Variants in UBE2D2 observed in about 807,000 individuals in gnomAD.
UBE2D2 encodes ubiquitin conjugating enzyme E2 D2, also known as ubiquitin-conjugating enzyme E2 D2.
A neutral mutation model predicts 24.2 loss-of-function variants in UBE2D2; 2 were observed. The observed-to-expected ratio is 0.08, with a 90% CI of 0.03 to 0.26. The LOEUF is 0.26. UBE2D2 is among the 10% of genes least tolerant of loss of function. UBE2D2 has a pLI of 1.00. For synonymous variants in UBE2D2, 58 were observed against 56.5 expected (o/e 1.03, Z -0.12); for missense variants, 44 against 177.6 (o/e 0.25, Z 4.28).
At chr5:139,585,987 A>G (rs1233588164) in intron 1 of UBE2D2, among the ~76,000 whole-genome samples, 1 of 150,596 alleles carries the variant, frequency 6.6e-6, no homozygotes, top group Admixed American at 6.7e-5. Flanking sequence ...GCTATATAGT[A>G]CCATATATGA....
intron 1 of UBE2D2, among the ~76,000 whole-genome samples, chr5:139,596,043 G>A (rs1173035353): frequency 2.7e-5 from 4 of 150,146 alleles, no homozygotes; most frequent in Admixed American, 2.0e-4. Context: ...ACAGGCGCGC[G>A]CCACCATGCC....
At chr5:139,555,546 G>A (rs1478887380) in intron 1 of UBE2D2, among the ~76,000 whole-genome samples, 2 of 152,074 alleles carry the variant, frequency 1.3e-5, no homozygotes, top group African/African-American at 4.8e-5. Context: ...TGTAGCGTGT[G>A]GCAAAGCAGT....
intron 1 of UBE2D2, among the ~76,000 whole-genome samples, chr5:139,533,094 C>G (rs1752618389): frequency 6.7e-6 from 1 of 148,324 alleles, no homozygotes; most frequent in Non-Finnish European, 1.5e-5. Context: ...GGTGACAGAG[C>G]AAGACTCCAT....
At chr5:139,556,190 C>T (rs534794593), upstream of UBE2D2, among the ~76,000 whole-genome samples, 7 of 150,934 alleles carry the variant, frequency 4.6e-5, no homozygotes, top group East Asian at 2.0e-4. Flanking sequence ...GAGCTGAGAT[C>T]GTGCCATTGC....
chr5:139,574,174 A>G (rs1199070603), intron 1 of UBE2D2, among the ~76,000 whole-genome samples: 1 of 145,464 alleles, frequency 6.9e-6, no homozygotes, highest in Non-Finnish European at 1.5e-5. Flanking sequence ...CCAGCCACTC[A>G]GGAGGCTGAG....
chr5:139,572,755 C>T (rs1413524712), intron 1 of UBE2D2, among the ~76,000 whole-genome samples: 1 of 151,454 alleles, frequency 6.6e-6, no homozygotes, highest in Non-Finnish European at 1.5e-5. Context: ...AAGCAATTCT[C>T]CTGCCTCAGC....
intron 1 of UBE2D2, among the ~76,000 whole-genome samples, chr5:139,553,203 A>T (rs545138317): frequency 6.6e-6 from 1 of 152,316 alleles, no homozygotes; most frequent in African/African-American, 2.4e-5. Context: ...ACTATACCTT[A>T]CGAAATACCA....
chr5:139,561,574 A>T lies in UBE2D2; in HGVS notation c.-218A>T. ...GTGGCGGCTAGGGCGGCGGCGAATAAAGGGGCCGCCGCCGGGTGATGCGGT... is the reference window on the plus strand; with the variant it reads ...GTGGCGGCTAGGGCGGCGGCGAATATAGGGGCCGCCGCCGGGTGATGCGGT... On this transcript the variant is annotated 5_prime_UTR_variant, in exon 1 of 7. Transcript: ENST00000398733. 2.4e-6 allele frequency: 1 copy of T among 422,376 alleles called. No homozygotes were observed. Among genetic ancestry groups the T allele is most frequent in the Non-Finnish European group, 4.2e-6 (1 of 240,372 alleles). The allele number at this position is 422,376 out of a possible 1,614,324, so 26.2% of individuals were successfully genotyped here.
chr5:139,599,282 T>G (rs1190770600), intron 1 of UBE2D2, among the ~76,000 whole-genome samples: 1 of 152,048 alleles, frequency 6.6e-6, no homozygotes, highest in African/African-American at 2.4e-5. Context: ...ACCCTGGTAG[T>G]GGACTTCCAC....
At chr5:139,624,929 G>A (rs559670465) in intron 6 of UBE2D2, among the ~76,000 whole-genome samples, 1 of 152,294 alleles carries the variant, frequency 6.6e-6, no homozygotes, top group African/African-American at 2.4e-5. Context: ...TTAGAGAACT[G>A]TTTTGTCCGA....
At chr5:139,535,412 C>T (rs971170797) in intron 1 of UBE2D2, among the ~76,000 whole-genome samples, 2 of 151,598 alleles carry the variant, frequency 1.3e-5, no homozygotes, top group South Asian at 4.2e-4. Flanking sequence ...GCCGAGATCG[C>T]GCCATTGCAC....
In UBE2D2 at chr5:139,583,099, C is replaced by T. The variant is rs1226325631; in HGVS notation, c.25-17273C>T. Among the ~76,000 whole-genome samples the T allele has an allele frequency of 2.0e-5, 3 of 152,030 alleles. No individual in the cohort carries two copies. The East Asian group carries it at 5.8e-4, about 29-fold the overall frequency. ...CAGTGATTCTCCCGCTTCAGCCTCCCTAGTAGCTGGGATTACAGGCATGTG... is the reference window on the plus strand; with the variant it reads ...CAGTGATTCTCCCGCTTCAGCCTCCTTAGTAGCTGGGATTACAGGCATGTG... On this transcript the variant is annotated intron_variant, in intron 1 of 6. Coordinates refer to ENST00000398733, the MANE Select transcript of UBE2D2 (RefSeq NM_003339.3).
intron 1 of UBE2D2, among the ~76,000 whole-genome samples, chr5:139,527,733 A>T (rs1274141326): frequency 6.6e-6 from 1 of 152,222 alleles, no homozygotes; most frequent in African/African-American, 2.4e-5. Flanking sequence ...TGTCTGCAAA[A>T]GTCATAAAAG....
upstream of UBE2D2, among the ~76,000 whole-genome samples, chr5:139,560,038 T>G (rs1475713162): frequency 3.3e-5 from 5 of 150,994 alleles, no homozygotes; most frequent in African/African-American, 1.2e-4. Flanking sequence ...GAGGTTGGTT[T>G]TTTTTTTTTT....
intron 2 of UBE2D2, among the ~76,000 whole-genome samples, chr5:139,607,968 G>C (rs1176585892): frequency 6.6e-6 from 1 of 151,112 alleles, no homozygotes; most frequent in East Asian, 1.9e-4. Context: ...AGCCAAAGTT[G>C]TGCCACTGTA....
intron 1 of UBE2D2, among the ~76,000 whole-genome samples, chr5:139,554,552 T>G (rs925818661): frequency 6.6e-6 from 1 of 152,224 alleles, no homozygotes; most frequent in African/African-American, 2.4e-5. Flanking sequence ...GAATGTGTCA[T>G]AATGTGTTAT....
chr5:139,600,609 C>T (rs902343893), intron 2 of UBE2D2, among the ~76,000 whole-genome samples, 174 bp downstream of exon 2: 2 of 152,134 alleles, frequency 1.3e-5, no homozygotes, highest in African/African-American at 4.8e-5. Flanking sequence ...GAATCTTCTG[C>T]CAGGTATTGG....
At chr5:139,579,045 G>T (rs989272719) in intron 1 of UBE2D2, among the ~76,000 whole-genome samples, 3 of 152,182 alleles carry the variant, frequency 2.0e-5, no homozygotes, top group Non-Finnish European at 4.4e-5. Flanking sequence ...TCAGCTCACT[G>T]CAACCTCTGC....
At chr5:139,607,289 A>T (rs1754219626) in intron 2 of UBE2D2, among the ~76,000 whole-genome samples, 1 of 152,216 alleles carries the variant, frequency 6.6e-6, no homozygotes, top group Non-Finnish European at 1.5e-5. Flanking sequence ...CTCAATTAAG[A>T]TTTAAATGGT....
Sources: allele counts gnomAD v4.1 joint callset (sites outside exome capture counted in the v4.1 genomes callset), GRCh38; gene constraint gnomAD v4.1.1; transcripts MANE v1.5; gene names NCBI Gene and HGNC (gene_info 2026-07-23, HGNC 2026-07-21).